The following PJA2 variants were observed in gnomAD, a reference collection of about 807,000 sequenced individuals.
PJA2 encodes praja ring finger ubiquitin ligase 2.
PJA2 carries 25 observed loss-of-function variants against 69.3 expected under a neutral mutation model. The observed-to-expected ratio is 0.36, with a 90% CI of 0.26 to 0.50. The LOEUF (loss-of-function observed/expected upper bound fraction) is 0.50. Among genes scored for constraint, PJA2 ranks in the 20% least tolerant of loss-of-function variants. The pLI is 0.96. For missense variants in PJA2, 809 were observed against 830.2 expected, an observed-to-expected ratio of 0.97 and a Z score of 0.31; for synonymous variants, 308 against 277.8, an observed-to-expected ratio of 1.11 and a Z score of -1.08.
chr5:109,394,083 T>C (rs943806746), intron 1 of PJA2, among the ~76,000 whole-genome samples: 1 of 138,976 alleles, frequency 7.2e-6, no homozygotes, highest in Admixed American at 7.8e-5. Flanking sequence ...AGTCTTACTC[T>C]GTTGCCCAAG....
At chr5:109,387,303 G>A (rs910876520) in intron 1 of PJA2, among the ~76,000 whole-genome samples, 4 of 151,530 alleles carry the variant, frequency 2.6e-5, no homozygotes, top group Admixed American at 1.3e-4. Flanking sequence ...TCTATATTCC[G>A]TCTACCACTT....
chr5:109,341,686 T>C (rs867078213), intron 9 of PJA2, among the ~76,000 whole-genome samples: 4 of 12,276 alleles, frequency 3.3e-4, no homozygotes, highest in African/African-American at 1.3e-3. Flanking sequence ...CCGCCCCGTC[T>C]GGGAGGTGAG....
At chr5:109,407,684 C>G (rs1018288226) in intron 1 of PJA2, among the ~76,000 whole-genome samples, 7 of 151,844 alleles carry the variant, frequency 4.6e-5, no homozygotes, top group African/African-American at 1.7e-4. Flanking sequence ...ATAGAAAACT[C>G]AAAAGTTTTG....
chr5:109,348,220 G>T lies in PJA2; in HGVS notation c.1765-3401C>A, dbSNP rs146524623. 2.2e-3 allele frequency among the ~76,000 whole-genome samples: 329 copies of T among 152,298 alleles called. 5 individuals are homozygous for T. The highest frequency in any genetic ancestry group is 7.0e-3 in the African/African-American group (292 of 41,554). ...ACTGTAAAAATCGTGATGTGAGATG[G>T]ATTATTAAGAGTGCCCTTGTGCACT... On this transcript the variant is annotated intron_variant, in intron 7 of 9. Transcript: ENST00000361189.
At chr5:109,396,058 T>TA (rs1747401691) in intron 1 of PJA2, among the ~76,000 whole-genome samples, 1 of 137,908 alleles carries the variant, frequency 7.3e-6, no homozygotes, top group Admixed American at 7.1e-5. Flanking sequence ...GTTACAAAAA[T>TA]AAAAAATTAG....
chr5:109,384,300 G>A (rs1470489583), intron 1 of PJA2, among the ~76,000 whole-genome samples: 1 of 152,136 alleles, frequency 6.6e-6, no homozygotes, highest in Non-Finnish European at 1.5e-5. Context: ...ATTAATGTGT[G>A]TAAATAATGA....
intron 6 of PJA2, among the ~76,000 whole-genome samples, chr5:109,358,873 T>C (rs552061261): frequency 6.6e-6 from 1 of 152,256 alleles, no homozygotes; most frequent in Non-Finnish European, 1.5e-5. Flanking sequence ...GAACCACTAA[T>C]AGATGCTAAA....
intron 1 of PJA2, among the ~76,000 whole-genome samples, chr5:109,389,901 T>C (rs79157021): frequency 0.04 from 6,067 of 150,314 alleles, 125 homozygotes; most frequent in Middle Eastern, 0.051. Context: ...ATATTTGCAG[T>C]CTATTTTTTT....
At chr5:109,397,293 AAGAC>A (rs1288270536) in intron 1 of PJA2, among the ~76,000 whole-genome samples, 2 of 152,208 alleles carry the variant, frequency 1.3e-5, no homozygotes, top group Non-Finnish European at 1.5e-5. Flanking sequence ...GGAACAGATT[AAGAC>A]AGACAGCTAT....
chr5:109,404,323 C>A (rs141207471), intron 1 of PJA2, among the ~76,000 whole-genome samples: 4,615 of 151,884 alleles, frequency 0.03, 91 homozygotes, highest in Middle Eastern at 0.048. Context: ...GAGTTTGAGA[C>A]CAGCCTGGCC....
chr5:109,404,500 A>C (rs1347071465), intron 1 of PJA2, among the ~76,000 whole-genome samples: 3 of 152,122 alleles, frequency 2.0e-5, no homozygotes, highest in African/African-American at 7.2e-5. Context: ...TAGCCGACAG[A>C]GCAAGACTCT....
chr5:109,349,400 G>C (rs1310284523), intron 7 of PJA2, among the ~76,000 whole-genome samples: 1 of 152,142 alleles, frequency 6.6e-6, no homozygotes, highest in Non-Finnish European at 1.5e-5. Context: ...GCTTGACAGA[G>C]CACACTGGGA....
At chr5:109,409,676 A>AC (rs1421131206) in intron 1 of PJA2, among the ~76,000 whole-genome samples, 166 bp downstream of exon 1, 2 of 151,752 alleles carry the variant, frequency 1.3e-5, no homozygotes, top group East Asian at 3.9e-4. Context: ...ACAGCCATCA[A>AC]CCCCACCCAC....
intron 6 of PJA2, among the ~76,000 whole-genome samples, chr5:109,358,902 G>A (rs1233001126): frequency 6.6e-6 from 1 of 152,200 alleles, no homozygotes; most frequent in East Asian, 1.9e-4. Context: ...ATGGAAGTTT[G>A]ATAGTTTAAA....
rs1265900513 is a variant in PJA2, at chr5:109,336,401, A to G, written c.*830T>C. On this transcript the variant is annotated 3_prime_UTR_variant, in exon 10 of 10. Transcript: ENST00000361189. The stretch of plus-strand genomic sequence containing the variant: ...AATTACCTTAAACTAACTATAAGCA[A>G]TATTAAACAAATGTGCCATGAGTGT... 6.6e-6 allele frequency: 1 copy of G among 152,142 alleles called. No homozygotes were observed. The highest frequency in any genetic ancestry group is 1.5e-5 in the Non-Finnish European group (1 of 68,034). 9.4% of individuals were successfully genotyped at this position (152,142 alleles called of 1,614,324 possible). A position where few individuals can be genotyped will look rare whatever the true frequency, so the allele number is the denominator to read the frequency against.
chr5:109,395,947 C>A (rs1373704675), intron 1 of PJA2, among the ~76,000 whole-genome samples: 2 of 150,972 alleles, frequency 1.3e-5, no homozygotes, highest in African/African-American at 4.9e-5. Context: ...TTGCAGTGAG[C>A]CGAGAATGCA....
At chr5:109,348,461 G>A (rs1365933387) in intron 7 of PJA2, among the ~76,000 whole-genome samples, 8 of 152,158 alleles carry the variant, frequency 5.3e-5, no homozygotes, top group Admixed American at 5.2e-4. Flanking sequence ...ATAAGATTCT[G>A]AAACCTGGAA....
rs530024889 is a variant in PJA2 at position 109,400,702 on chromosome 5, G to A, written c.-88+9140C>T. 1.4e-4 allele frequency among the ~76,000 whole-genome samples: 22 copies of A among 152,102 alleles called. No individual in the cohort carries two copies. The South Asian group carries it at 2.3e-3, about 16-fold the overall frequency. ...GCTATAAAAAACGAATGATATGGCC[G>A]GGCATGGTGGCTCACACCTGTAATT... On this transcript the variant is annotated intron_variant, in intron 1 of 9. Transcript: ENST00000361189.
intron 6 of PJA2, among the ~76,000 whole-genome samples, chr5:109,361,114 C>G (rs11241008): frequency 6.6e-6 from 1 of 152,044 alleles, no homozygotes; most frequent in Non-Finnish European, 1.5e-5. Flanking sequence ...GGCAACAGAA[C>G]GAGACTCCAT....
Sources: allele counts gnomAD v4.1 joint callset (sites outside exome capture counted in the v4.1 genomes callset), GRCh38; gene constraint gnomAD v4.1.1; transcripts MANE v1.5; gene names NCBI Gene and HGNC (gene_info 2026-07-23, HGNC 2026-07-21).